SLC25A26: variants seen among roughly 807,000 people sequenced by gnomAD.
SLC25A26 encodes mitochondrial S-adenosylmethionine carrier protein.
SLC25A26 carries 36 observed loss-of-function variants against 37.8 expected under a neutral mutation model. That is an observed-to-expected ratio of 0.95 (90% confidence interval 0.73 to 1.26). The LOEUF is 1.26. Among genes scored for constraint, SLC25A26 ranks in the 50% most tolerant of loss-of-function variants. SLC25A26 has a pLI of 0.00. For synonymous variants in SLC25A26, 129 were observed against 122.5 expected (o/e 1.05, Z -0.35); for missense variants, 390 against 331.1 (o/e 1.18, Z -1.38).
At chr3:66,309,359 T>C (rs1047003008) in intron 5 of SLC25A26, among the ~76,000 whole-genome samples, 1 of 152,202 alleles carries the variant, frequency 6.6e-6, no homozygotes, top group African/African-American at 2.4e-5. Flanking sequence ...AGTGGTGATA[T>C]CCACTTTATC....
chr3:66,325,221 G>A (rs920545530), intron 5 of SLC25A26, among the ~76,000 whole-genome samples: 2 of 152,134 alleles, frequency 1.3e-5, no homozygotes, highest in East Asian at 3.9e-4. Context: ...ATAAAAGATA[G>A]CCAGAATAAA....
At chr3:66,284,529 C>T (rs1477057268) in intron 5 of SLC25A26, among the ~76,000 whole-genome samples, 1 of 152,036 alleles carries the variant, frequency 6.6e-6, no homozygotes, top group African/African-American at 2.4e-5. Context: ...CAACAATATG[C>T]ATATCAATAT....
chr3:66,255,244 A>G (rs1313421499), intron 3 of SLC25A26, among the ~76,000 whole-genome samples: 2 of 152,170 alleles, frequency 1.3e-5, no homozygotes, highest in Admixed American at 6.5e-5. Context: ...CTCCCTGAGT[A>G]GCAGGGGCAG....
chr3:66,195,655 G>C lies in SLC25A26; in HGVS notation c.-353-25087G>C, dbSNP rs1187655283. On this transcript the variant is annotated intron_variant, in intron 1 of 10. Coordinates refer to the SLC25A26 transcript ENST00000676754. ...CGCTCGGCGTCTCCATCTTCTGGTT[G>C]TGTGGTCCGTATTTTAGGGGTGTAT... Among the ~76,000 whole-genome samples the C allele has an allele frequency of 5.9e-5, 9 of 152,188 alleles. No individual in the cohort carries two copies. In the East Asian group the frequency reaches 1.5e-3, roughly 26 times the overall value.
intron 5 of SLC25A26, among the ~76,000 whole-genome samples, chr3:66,281,601 TGTACCAGACA>T (rs895069288): frequency 2.0e-5 from 3 of 152,210 alleles, no homozygotes; most frequent in Non-Finnish European, 4.4e-5. Context: ...TTAGAATTCA[TGTACCAGACA>T]GTTTACTCGT....
intron 5 of SLC25A26, among the ~76,000 whole-genome samples, chr3:66,339,582 G>A (rs562172354): frequency 2.0e-5 from 3 of 151,202 alleles, no homozygotes; most frequent in African/African-American, 7.2e-5. Context: ...CTAAAGGGTG[G>A]GAGTTTGTAT....
chr3:66,252,926 T>C (rs2073140912), intron 3 of SLC25A26, among the ~76,000 whole-genome samples: 1 of 151,590 alleles, frequency 6.6e-6, no homozygotes, highest in Non-Finnish European at 1.5e-5. Context: ...GAAGTAGCGG[T>C]AAGTATACTA....
At position 66,320,721 on chromosome 3, in the gene SLC25A26, G is replaced by GTGTCT. The variant is rs766825312; in HGVS notation, c.454-25638_454-25634dup. ...CCACCAGCAATGTATTAGGGTTCCA[G>GTGTCT]TGTCTTGTCACCACTTGTTATTTTG... On this transcript the variant is annotated intron_variant, in intron 5 of 9. Transcript: ENST00000354883. 7.2e-5 allele frequency among the ~76,000 whole-genome samples: 11 copies of GTGTCT among 152,252 alleles called. No individual in the cohort carries two copies. The East Asian group carries it at 1.9e-3, about 27-fold the overall frequency.
At chr3:66,279,138 T>C (rs2074253317) in intron 5 of SLC25A26, among the ~76,000 whole-genome samples, 1 of 152,200 alleles carries the variant, frequency 6.6e-6, no homozygotes, top group African/African-American at 2.4e-5. Context: ...GAGTTTCTAA[T>C]TGCCTTTTCT....
chr3:66,375,817 A>C (rs13071458), intron 9 of SLC25A26, among the ~76,000 whole-genome samples: 90,772 of 151,582 alleles, frequency 0.6, 27,412 homozygotes, highest in East Asian at 0.79. Flanking sequence ...CTGTGGATCA[A>C]GGAGTTACTT....
intron 5 of SLC25A26, among the ~76,000 whole-genome samples, chr3:66,281,785 C>T (rs2074347640): frequency 1.3e-5 from 2 of 149,470 alleles, no homozygotes; most frequent in South Asian, 4.2e-4. Flanking sequence ...GCCTCTTCAG[C>T]CTACTTCTGT....
intron 1 of SLC25A26, among the ~76,000 whole-genome samples, chr3:66,194,881 G>A (rs1264887150): frequency 6.6e-6 from 1 of 152,176 alleles, no homozygotes; most frequent in Non-Finnish European, 1.5e-5. Context: ...GATTACAGGC[G>A]TGAGACACCG....
At chr3:66,320,038 G>A (rs989379878) in intron 5 of SLC25A26, among the ~76,000 whole-genome samples, 22 of 152,020 alleles carry the variant, frequency 1.4e-4, no homozygotes, top group African/African-American at 5.3e-4. Context: ...TCTTTAGTGG[G>A]CTTTTAGACA....
chr3:66,263,113 A>G (rs967489915), intron 4 of SLC25A26, among the ~76,000 whole-genome samples: 5 of 152,254 alleles, frequency 3.3e-5, no homozygotes, highest in African/African-American at 1.2e-4. Context: ...AAAGAGAGCT[A>G]ATCTGAGCTC....
At chr3:66,263,283 A>G in intron 4 of SLC25A26, 49 bp from the exon 5 acceptor site, 1 of 1,439,052 alleles carries the variant, frequency 6.9e-7, no homozygotes. Context: ...AATGTCCTTC[A>G]GAAATCTCTG....
At chr3:66,218,899 C>T (rs1576646457), upstream of SLC25A26, among the ~76,000 whole-genome samples, 2 of 152,354 alleles carry the variant, frequency 1.3e-5, no homozygotes, top group East Asian at 3.9e-4. Context: ...GCCCTGGCCA[C>T]CATCTTGACT....
chr3:66,173,427 C>A (rs1481732136), intron 1 of SLC25A26, among the ~76,000 whole-genome samples: 6 of 152,150 alleles, frequency 3.9e-5, no homozygotes, highest in Admixed American at 2.0e-4. Context: ...CCACTACAGT[C>A]TTGTAGGTAA....
chr3:66,271,884 T>A (rs2073973044), intron 5 of SLC25A26, among the ~76,000 whole-genome samples: 1 of 152,196 alleles, frequency 6.6e-6, no homozygotes. Context: ...TTTCTTTTTC[T>A]GCCACCTTTG....
intron 9 of SLC25A26, among the ~76,000 whole-genome samples, chr3:66,372,418 G>A (rs1240449444): frequency 6.6e-6 from 1 of 152,210 alleles, no homozygotes; most frequent in Non-Finnish European, 1.5e-5. Context: ...GATGATTGAA[G>A]ATAGTCTTCC....
Sources: gnomAD v4.1 joint callset for allele counts (sites outside exome capture counted in the v4.1 genomes callset) on GRCh38, gnomAD v4.1.1 for gene constraint, MANE v1.5 for transcripts, NCBI Gene and HGNC (gene_info 2026-07-23, HGNC 2026-07-21) for gene names.